Variants in TOX2 observed in about 807,000 individuals in gnomAD.
The protein encoded by TOX2 is TOX high mobility group box family member 2, also known as granulosa cell HMG box 1.
In TOX2, 15 loss-of-function variants were observed where a neutral mutation model predicts 47.4. That is an observed-to-expected ratio of 0.32 (90% CI 0.21 to 0.49). The LOEUF (loss-of-function observed/expected upper bound fraction) is 0.49. TOX2 is among the 20% of genes least tolerant of loss of function. The probability of loss-of-function intolerance (pLI) is 0.99; values close to 1 mark genes in which losing one functional copy is unlikely to be tolerated. For missense variants in TOX2, 622 were observed against 673.1 expected (o/e 0.92, Z 0.84); for synonymous variants, 290 against 296.6 (o/e 0.98, Z 0.23).
At chr20:43,986,110 G>T (rs2070258691) in intron 2 of TOX2, among the ~76,000 whole-genome samples, 1 of 152,136 alleles carries the variant, frequency 6.6e-6, no homozygotes, top group African/African-American at 2.4e-5. Context: ...GGCCCTCAAG[G>T]GTGGGAAGTT....
chr20:43,995,635 C>T (rs1020426526), intron 2 of TOX2, among the ~76,000 whole-genome samples: 1 of 152,106 alleles, frequency 6.6e-6, no homozygotes, highest in Admixed American at 6.5e-5. Flanking sequence ...GCCTAGTACC[C>T]ATTAGTTATT....
At chr20:43,976,557 G>C (rs1359319498) in intron 2 of TOX2, among the ~76,000 whole-genome samples, 5 of 152,186 alleles carry the variant, frequency 3.3e-5, no homozygotes, top group African/African-American at 1.2e-4. Flanking sequence ...GATGGGAAAG[G>C]CTGCAAAATA....
chr20:43,999,975 G>A (rs1373532566), intron 2 of TOX2, among the ~76,000 whole-genome samples: 1 of 152,210 alleles, frequency 6.6e-6, no homozygotes, highest in African/African-American at 2.4e-5. Flanking sequence ...AGAACAGCAG[G>A]CTGTGTGGAT....
At chr20:43,986,936 T>TA (rs1265540647) in intron 2 of TOX2, among the ~76,000 whole-genome samples, 1 of 152,110 alleles carries the variant, frequency 6.6e-6, no homozygotes, top group African/African-American at 2.4e-5. Context: ...TGCTGGTACA[T>TA]ACCTGTAGTC....
rs115964013 is a variant in TOX2 at position 44,023,689 on chromosome 20, A to G, written c.411+16897A>G. On this transcript the variant is annotated intron_variant, in intron 3 of 8. Coordinates refer to ENST00000341197, the MANE Select transcript of TOX2 (RefSeq NM_001098797.2). ...AGCGTGGCCTGGGAGGCGCATGCTC[A>G]GGGAGCCGAGGAGCTGCAGCTGGTG... Among the ~76,000 whole-genome samples, 158 of 152,348 alleles carry G rather than the reference A, an allele frequency of 1.0e-3. 1 individual carries two copies. Among genetic ancestry groups the G allele is most frequent in the African/African-American group, 3.7e-3 (155 of 41,588 alleles).
intron 1 of TOX2, among the ~76,000 whole-genome samples, chr20:43,971,776 T>A (rs2069973714): frequency 6.6e-6 from 1 of 152,174 alleles, no homozygotes; most frequent in Non-Finnish European, 1.5e-5. Flanking sequence ...AGAACTATGT[T>A]CTGATATAAA....
chr20:43,924,570 C>T (rs990350489), intron 1 of TOX2, among the ~76,000 whole-genome samples: 2 of 152,140 alleles, frequency 1.3e-5, no homozygotes, highest in Non-Finnish European at 2.9e-5. Flanking sequence ...GGCCATCTGC[C>T]CTGCCCAGCC....
At chr20:43,934,836 G>A (rs1394008671) in intron 1 of TOX2, among the ~76,000 whole-genome samples, 4 of 148,850 alleles carry the variant, frequency 2.7e-5, no homozygotes, top group African/African-American at 7.4e-5. Flanking sequence ...ATGTGGGGGT[G>A]TGTGTTGGGG....
At chr20:43,928,997 A>AAAAAAAAC (rs540054093) in intron 1 of TOX2, among the ~76,000 whole-genome samples, 58 of 149,666 alleles carry the variant, frequency 3.9e-4, no homozygotes, top group African/African-American at 1.4e-3. Context: ...AAAAAAAAAA[A>AAAAAAAAC]AACAACAACA....
chr20:43,928,892 TG>T (rs1285192295), intron 1 of TOX2, among the ~76,000 whole-genome samples: 1 of 148,598 alleles, frequency 6.7e-6, no homozygotes, highest in Non-Finnish European at 1.5e-5. Context: ...CCCAGCACTT[TG>T]GGAGGCAGAG....
intron 2 of TOX2, among the ~76,000 whole-genome samples, chr20:43,989,198 C>G (rs2070324978): frequency 1.3e-5 from 2 of 152,290 alleles, no homozygotes; most frequent in African/African-American, 4.8e-5. Context: ...GTGCACATTA[C>G]AGATTGAGAA....
At chr20:43,951,714 T>G (rs1330946444) in intron 1 of TOX2, among the ~76,000 whole-genome samples, 1 of 122,028 alleles carries the variant, frequency 8.2e-6, no homozygotes, top group African/African-American at 3.1e-5. Flanking sequence ...TATGTTTTTT[T>G]TTTTTTTTTT....
In TOX2 at chr20:43,916,014, C is replaced by A; in HGVS notation, c.99+1024C>A. On this transcript the variant is annotated intron_variant, in intron 1 of 8. Coordinates refer to ENST00000341197, the MANE Select transcript of TOX2 (RefSeq NM_001098797.2). The surrounding 1 kb of genome is among the most constrained non-coding windows in gnomAD (Gnocchi z 5.0). ...TGGGTGCCTCTAAGCAGTCCGCGTC[C>A]CCTTCGGTCGCCGGAGAGGGAACTT... The A allele has an allele frequency of 1.5e-6, 1 of 667,338 alleles. No homozygotes were observed. The highest frequency in any genetic ancestry group is 1.9e-6 in the Non-Finnish European group (1 of 539,370). 41.3% of individuals were successfully genotyped at this position (667,338 alleles called of 1,614,324 possible).
intron 3 of TOX2, among the ~76,000 whole-genome samples, chr20:44,014,355 C>T (rs760125927): frequency 6.6e-6 from 1 of 152,082 alleles, no homozygotes; most frequent in Non-Finnish European, 1.5e-5. Context: ...TAGATCCTAC[C>T]TCTTGAAGAG....
intron 1 of TOX2, among the ~76,000 whole-genome samples, chr20:43,961,649 C>T (rs2069759422): frequency 6.6e-6 from 1 of 152,146 alleles, no homozygotes; most frequent in Non-Finnish European, 1.5e-5. Flanking sequence ...AGCCCACAGG[C>T]TCTGATGAAA....
At chr20:43,951,959 C>T (rs1033977820) in intron 1 of TOX2, among the ~76,000 whole-genome samples, 10 of 151,844 alleles carry the variant, frequency 6.6e-5, no homozygotes, top group South Asian at 2.1e-4. Context: ...TGCAGTGGTG[C>T]GATCTTGGCT....
chr20:44,042,277 G>C (rs1180654173), intron 3 of TOX2, among the ~76,000 whole-genome samples: 1 of 152,180 alleles, frequency 6.6e-6, no homozygotes, highest in Non-Finnish European at 1.5e-5. Context: ...CCCGTAATTC[G>C]ATTACCTCCC....
intron 1 of TOX2, chr20:43,946,057 C>T (rs2145364557): frequency 6.2e-7 from 1 of 1,612,742 alleles, no homozygotes; most frequent in Non-Finnish European, 8.5e-7. Context: ...CGGGTGCCCA[C>T]CGCCCCATGA....
chr20:43,955,522 A>T (rs1276357210), intron 1 of TOX2, among the ~76,000 whole-genome samples: 2 of 152,190 alleles, frequency 1.3e-5, no homozygotes, highest in Non-Finnish European at 2.9e-5. Context: ...TTTTTTTTTA[A>T]TGAATCATCA....
Sources: gnomAD v4.1 joint callset for allele counts (sites outside exome capture counted in the v4.1 genomes callset) on GRCh38, gnomAD v4.1.1 for gene constraint, Gnocchi (gnomAD v3.1) non-coding constraint, MANE v1.5 for transcripts, NCBI Gene and HGNC (gene_info 2026-07-23, HGNC 2026-07-21) for gene names.